Variants in WASF1 observed in about 807,000 individuals in gnomAD.
WASF1 encodes actin-binding protein WASF1.
Under a neutral mutation model 50.5 loss-of-function variants are expected in WASF1, and 7 were observed. The observed-to-expected ratio is 0.14, with a 90% confidence interval of 0.08 to 0.26. WASF1 has a LOEUF of 0.26. Ranked by LOEUF, WASF1 falls within the 10% of genes least tolerant of loss-of-function variation. The pLI, the probability that WASF1 is intolerant of heterozygous loss-of-function variation, is 1.00. For synonymous variants in WASF1, 205 were observed against 244.0 expected (o/e 0.84, Z 1.49); for missense variants, 470 against 694.7 (o/e 0.68, Z 3.64).
At chr6:110,102,860 T>C (rs17543368) in intron 9 of WASF1, among the ~76,000 whole-genome samples, 18,373 of 152,188 alleles carry the variant, frequency 0.12, 1,414 homozygotes, top group Middle Eastern at 0.17. Context: ...AACTTCAAAA[T>C]AGCTTTACTG....
chr6:110,154,988 A>G (rs1314733527), intron 3 of WASF1, among the ~76,000 whole-genome samples: 2 of 152,102 alleles, frequency 1.3e-5, no homozygotes, highest in Non-Finnish European at 2.9e-5. Flanking sequence ...AAAAATATAA[A>G]TGGGACAGCT....
At chr6:110,113,242 A>C in intron 5 of WASF1, 84 bp downstream of exon 5, 1 of 1,198,580 alleles carries the variant, frequency 8.3e-7, no homozygotes, top group Non-Finnish European at 1.1e-6. Flanking sequence ...TAATAAATTC[A>C]TGATTAATAC....
chr6:110,106,312 T>TA (rs774178462), intron 7 of WASF1, among the ~76,000 whole-genome samples: 5 of 152,190 alleles, frequency 3.3e-5, no homozygotes, highest in Non-Finnish European at 7.3e-5. Context: ...CCTACAGGCA[T>TA]AATCTGGCTT....
chr6:110,109,686 G>A (rs1773474490), intron 5 of WASF1, among the ~76,000 whole-genome samples: 1 of 151,434 alleles, frequency 6.6e-6, no homozygotes, highest in African/African-American at 2.4e-5. Flanking sequence ...CAAGTAGCTG[G>A]GACTACAGGC....
At chr6:110,145,338 A>T (rs1466482231) in intron 3 of WASF1, among the ~76,000 whole-genome samples, 2 of 152,202 alleles carry the variant, frequency 1.3e-5, no homozygotes, top group African/African-American at 4.8e-5. Flanking sequence ...GAAGTTGCTT[A>T]TCAGCTTAAG....
chr6:110,173,869 T>C (rs143819764), intron 2 of WASF1, among the ~76,000 whole-genome samples: 85 of 152,278 alleles, frequency 5.6e-4, no homozygotes, highest in African/African-American at 1.9e-3. Context: ...TCTGAGTGAC[T>C]TGGCTTAGTA....
intron 3 of WASF1, among the ~76,000 whole-genome samples, chr6:110,131,610 C>T (rs1040953833): frequency 6.6e-5 from 10 of 152,214 alleles, no homozygotes; most frequent in South Asian, 2.1e-4. Context: ...TGGGTTCAAG[C>T]GATTCTCCTG....
chr6:110,105,399 A>C lies in WASF1; in HGVS notation c.713+8T>G. 2 of 1,586,580 alleles carry C rather than the reference A, an allele frequency of 1.3e-6. No homozygotes were observed. The highest frequency in any genetic ancestry group is 1.7e-6 in the Non-Finnish European group (2 of 1,170,960). On this transcript the variant is annotated splice_region_variant and intron_variant, in intron 8 of 10. Transcript: ENST00000392589. Reference sequence around the variant, plus strand: ...ATCATTTAAAAAAAAAAACAAAAGTAAAGAAACCTTGTTTCAAAATGAGAG... The same window carrying C: ...ATCATTTAAAAAAAAAAACAAAAGTCAAGAAACCTTGTTTCAAAATGAGAG...
chr6:110,101,743 T>A lies in WASF1; in HGVS notation c.1367A>T (p.His456Leu). 2.5e-6 allele frequency: 4 copies of A among 1,614,000 alleles called. No individual in the cohort carries two copies. Among genetic ancestry groups the A allele is most frequent in the East Asian group, 2.2e-5 (1 of 44,868 alleles). Residue 456 changes from histidine (H) to leucine (L), a missense_variant, in exon 10 of 11, where the codon CAT (histidine) becomes CTT (leucine). This residue lies in a region of WASF1 where 294 missense variants were observed against 343.5 expected (regional missense o/e 0.86). Coordinates refer to ENST00000392589, the MANE Select transcript of WASF1 (RefSeq NM_003931.3). ...ACCTGGGGCAGTAGATGGAGTTGGATGTAGCCCAGAGGGAGGATGAGCAAG... is the reference window on the plus strand; with the variant it reads ...ACCTGGGGCAGTAGATGGAGTTGGAAGTAGCCCAGAGGGAGGATGAGCAAG... ...TALAHPPSGL[H>L]PTPSTAPGPH...
intron 4 of WASF1, among the ~76,000 whole-genome samples, chr6:110,121,732 C>T (rs916049993): frequency 2.0e-5 from 3 of 152,152 alleles, no homozygotes; most frequent in African/African-American, 7.2e-5. Flanking sequence ...GACAAATGCA[C>T]ATGTATGTTT....
At chr6:110,122,182 C>A (rs6926993) in intron 4 of WASF1, among the ~76,000 whole-genome samples, 10,252 of 142,820 alleles carry the variant, frequency 0.072, 450 homozygotes, top group African/African-American at 0.14. Context: ...CTTAAAGTAT[C>A]ATAATAAATA....
intron 4 of WASF1, among the ~76,000 whole-genome samples, chr6:110,126,440 G>T (rs4945850): frequency 0.28 from 42,492 of 152,128 alleles, 8,566 homozygotes; most frequent in African/African-American, 0.57. Context: ...ATATTCAAAT[G>T]TAACTTTTTA....
At chr6:110,166,186 G>A (rs1041610520) in intron 2 of WASF1, among the ~76,000 whole-genome samples, 5 of 151,354 alleles carry the variant, frequency 3.3e-5, no homozygotes, top group African/African-American at 4.8e-5. Context: ...AAGAAACAGT[G>A]TCTTGGATCA....
rs557379469 is a variant in WASF1, at chr6:110,171,003, C to T, written c.-127+7595G>A. 2.6e-5 allele frequency among the ~76,000 whole-genome samples: 4 copies of T among 152,280 alleles called. No individual in the cohort carries two copies. The South Asian group carries it at 8.3e-4, about 32-fold the overall frequency. On this transcript the variant is annotated intron_variant, in intron 2 of 10. Coordinates refer to ENST00000392589, the MANE Select transcript of WASF1 (RefSeq NM_003931.3). ...TCATGATCACAGCTAGAGATATCAA[C>T]ATCCTTCTATCGGTAATTAACTGAC...
chr6:110,140,319 C>T (rs1355504431), intron 3 of WASF1, among the ~76,000 whole-genome samples: 1 of 152,202 alleles, frequency 6.6e-6, no homozygotes, highest in Non-Finnish European at 1.5e-5. Flanking sequence ...TCCCCTATAA[C>T]TTGCCCCATG....
At chr6:110,144,587 A>G (rs1196864970) in intron 3 of WASF1, among the ~76,000 whole-genome samples, 1 of 152,098 alleles carries the variant, frequency 6.6e-6, no homozygotes, top group Non-Finnish European at 1.5e-5. Context: ...TAGGGTTTTT[A>G]TGGTTTTAGG....
At chr6:110,117,560 GA>G (rs1189458777) in intron 4 of WASF1, among the ~76,000 whole-genome samples, 2 of 152,174 alleles carry the variant, frequency 1.3e-5, no homozygotes, top group African/African-American at 4.8e-5. Context: ...AAGTGATGGG[GA>G]AAATGGAACC....
At chr6:110,161,042 C>T (rs1044657710) in intron 2 of WASF1, among the ~76,000 whole-genome samples, 1 of 151,352 alleles carries the variant, frequency 6.6e-6, no homozygotes, top group Non-Finnish European at 1.5e-5. Flanking sequence ...CTACTAAAGC[C>T]GTATCTGACT....
intron 4 of WASF1, among the ~76,000 whole-genome samples, chr6:110,126,122 A>G (rs1774405321): frequency 6.6e-6 from 1 of 152,178 alleles, no homozygotes; most frequent in South Asian, 2.1e-4. Context: ...TTATATACTT[A>G]TGTATGTACA....
Sources: allele counts gnomAD v4.1 joint callset (sites outside exome capture counted in the v4.1 genomes callset), GRCh38; gene constraint gnomAD v4.1.1; regional missense constraint gnomAD v4.1.1; transcripts MANE v1.5; gene names NCBI Gene and HGNC (gene_info 2026-07-23, HGNC 2026-07-21).